Variants in DBX2 observed in about 807,000 individuals in gnomAD.
DBX2 encodes developing brain homeobox 2, also known as homeobox protein DBX2.
DBX2 carries 16 observed loss-of-function variants against 17.7 expected under a neutral mutation model. The observed-to-expected ratio is 0.90, with a 90% CI of 0.61 to 1.37. DBX2 has a LOEUF of 1.37. DBX2 is among the 40% of genes most tolerant of loss of function. DBX2 has a pLI of 0.00. For synonymous variants in DBX2, 255 were observed against 183.8 expected, an observed-to-expected ratio of 1.39 and a Z score of -3.13; for missense variants, 538 against 433.8, an observed-to-expected ratio of 1.24 and a Z score of -2.13.
Position 45,050,949 on chromosome 12 carries a change from CT to C in DBX2, c.-23del. ...GCATAGTGCGGCGCCAACCGGTCTG[CT>C]GCGCGCCCGCCTTGCGCCCGCCTGT... On this transcript the variant is annotated 5_prime_UTR_variant, in exon 1 of 4. Coordinates refer to ENST00000332700, the MANE Select transcript of DBX2 (RefSeq NM_001004329.3). The C allele has an allele frequency of 7.1e-7, 1 of 1,407,468 alleles. No individual in the cohort carries two copies. The highest frequency in any genetic ancestry group is 9.3e-7 in the Non-Finnish European group (1 of 1,080,206). The allele number at this position is 1,407,468 out of a possible 1,614,324, so 87.2% of individuals were successfully genotyped here.
intron 3 of DBX2, among the ~76,000 whole-genome samples, chr12:45,020,048 C>T (rs374757083): frequency 2.0e-5 from 3 of 152,050 alleles, no homozygotes; most frequent in South Asian, 4.1e-4. Flanking sequence ...TTTATTGAGC[C>T]TATAATTCAC....
In DBX2 at chr12:45,050,867, C is replaced by T. The variant is rs202215237; in HGVS notation, c.61G>A (p.Ala21Thr). The change falls in exon 1 of 4, where the codon GCG (alanine) becomes ACG (threonine). Residue 21 changes from alanine (A) to threonine (T), a missense_variant. By Grantham distance (58) the Ala-to-Thr change is moderately conservative. Transcript: ENST00000332700. ...GAYWDVVASS[A>T]LLNLPAAPGF... ...GGCGCAGCGGGGAGGTTGAGGAGCG[C>T]GGAGGAAGCCACAACGTCCCAGTAC... 1.3e-6 allele frequency: 2 copies of T among 1,533,460 alleles called. No individual in the cohort carries two copies. The highest frequency in any genetic ancestry group is 1.7e-6 in the Non-Finnish European group (2 of 1,143,344). The allele number at this position is 1,533,460 out of a possible 1,614,324, so 95.0% of individuals were successfully genotyped here. A position where few individuals can be genotyped will look rare whatever the true frequency, so the allele number is the denominator to read the frequency against.
chr12:45,030,708 A>C (rs1946404734), intron 2 of DBX2, among the ~76,000 whole-genome samples: 1 of 152,322 alleles, frequency 6.6e-6, no homozygotes, highest in Admixed American at 6.5e-5. Flanking sequence ...TTTCCATATT[A>C]AAAACTAATT....
chr12:45,036,410 A>G (rs1289064165), intron 1 of DBX2, among the ~76,000 whole-genome samples: 1 of 152,128 alleles, frequency 6.6e-6, no homozygotes, highest in Non-Finnish European at 1.5e-5. Flanking sequence ...TATTTAAAAT[A>G]CCCTAGAACA....
chr12:45,019,648 G>T (rs897315347), intron 3 of DBX2, among the ~76,000 whole-genome samples: 1 of 151,998 alleles, frequency 6.6e-6, no homozygotes, highest in African/African-American at 2.4e-5. Flanking sequence ...ATAAAAATTT[G>T]TGATAGTGAA....
rs113827425 is a variant in DBX2 at position 45,016,789 on chromosome 12, G to GTATTT, written c.688-176_688-172dup. On this transcript the variant is annotated intron_variant, in intron 3 of 3. Transcript: ENST00000332700. ...TGGGCTCCTTCAAAAATATCCCATT[G>GTATTT]TATTTTATTTTATTATTATTTTTTT... Among the ~76,000 whole-genome samples the GTATTT allele has an allele frequency of 5.2e-3, 786 of 151,868 alleles. 7 individuals carry two copies. Among genetic ancestry groups the GTATTT allele is most frequent in the African/African-American group, 0.017 (694 of 41,362 alleles).
At position 45,025,186 on chromosome 12, in the gene DBX2, G is replaced by A. The variant is rs189423836; in HGVS notation, c.500-1292C>T. 3.0e-3 allele frequency among the ~76,000 whole-genome samples: 454 copies of A among 152,280 alleles called. 4 individuals carry two copies. The highest frequency in any genetic ancestry group is 5.5e-3 in the Admixed American group (84 of 15,306). ...GAAGAGCGTATCTTGTATTACCCAG[G>A]TGGGCCCAAAGTAATCATAAGATTC... On this transcript the variant is annotated intron_variant, in intron 2 of 3. Coordinates refer to ENST00000332700, the MANE Select transcript of DBX2 (RefSeq NM_001004329.3).
chr12:45,027,617 G>T (rs943825882), intron 2 of DBX2, among the ~76,000 whole-genome samples: 2 of 152,164 alleles, frequency 1.3e-5, no homozygotes, highest in Non-Finnish European at 2.9e-5. Context: ...ATTTTTTAAA[G>T]TATGATATTT....
intron 1 of DBX2, among the ~76,000 whole-genome samples, chr12:45,037,942 G>T (rs1395640393): frequency 1.3e-5 from 2 of 151,780 alleles, no homozygotes; most frequent in African/African-American, 2.4e-5. Context: ...CTAAGCAAAG[G>T]CATAAAAAGG....
chr12:45,018,360 G>T (rs1946334109), intron 3 of DBX2, among the ~76,000 whole-genome samples: 1 of 152,090 alleles, frequency 6.6e-6, no homozygotes, highest in African/African-American at 2.4e-5. Context: ...CATAAAAGGA[G>T]TTTCCTCACA....
intron 1 of DBX2, 120 bp downstream of exon 1, chr12:45,050,405 A>C: frequency 7.3e-7 from 1 of 1,361,198 alleles, no homozygotes; most frequent in Non-Finnish European, 9.8e-7. Context: ...GAGATGCTCC[A>C]GGAAGTTCCC....
In DBX2 at chr12:45,050,803, T is replaced by C. The variant is rs1184818865; in HGVS notation, c.125A>G (p.Asn42Ser). 4 of 1,528,676 alleles carry C rather than the reference T, an allele frequency of 2.6e-6. No homozygotes were observed. The highest frequency in any genetic ancestry group is 1.8e-6 in the Non-Finnish European group (2 of 1,139,524). The allele number at this position is 1,528,676 out of a possible 1,614,324, so 94.7% of individuals were successfully genotyped here. A position where few individuals can be genotyped will look rare whatever the true frequency, so the allele number is the denominator to read the frequency against. The change falls in exon 1 of 4, where the codon AAT becomes AGT. Residue 42 changes from asparagine to serine, a missense_variant. Asn to Ser is a conservative substitution (Grantham distance 46). Coordinates refer to ENST00000332700, the MANE Select transcript of DBX2 (RefSeq NM_001004329.3). ...TGGGGCGCCCCCGACCCGCAGCAAA[T>C]TCTCGATCAGGAAACTCTTGCCCAG... Reference protein sequence around the residue: ...GNLGKSFLIENLLRVGGAPTP... With the variant: ...GNLGKSFLIESLLRVGGAPTP...
rs190207907 is a variant in DBX2 at position 45,024,259 on chromosome 12, T to C, written c.500-365A>G. Among the ~76,000 whole-genome samples, 427 of 152,302 alleles carry C rather than the reference T, an allele frequency of 2.8e-3. 2 individuals are homozygous for C. The highest frequency in any genetic ancestry group is 9.9e-3 in the African/African-American group (411 of 41,572). On this transcript the variant is annotated intron_variant, in intron 2 of 3. Coordinates refer to ENST00000332700, the MANE Select transcript of DBX2 (RefSeq NM_001004329.3). ...TCCTGCTGCCATGTGAAGAAGGACA[T>C]GCTTGCTTCCCCTTCTCCCACGATT... is the stretch of plus-strand genomic sequence containing the variant.
chr12:45,038,542 T>C (rs1049828904), intron 1 of DBX2, among the ~76,000 whole-genome samples: 1 of 151,366 alleles, frequency 6.6e-6, no homozygotes, highest in African/African-American at 2.4e-5. Flanking sequence ...TGCATCCTTA[T>C]ATATACATAT....
At chr12:45,026,979 T>C (rs903395560) in intron 2 of DBX2, among the ~76,000 whole-genome samples, 3 of 152,220 alleles carry the variant, frequency 2.0e-5, no homozygotes, top group African/African-American at 7.2e-5. Flanking sequence ...TTCACTATTC[T>C]TTATCAGGGA....
rs1251342261 is a variant in DBX2, at chr12:45,045,704, C to T, written c.403+4821G>A. Among the ~76,000 whole-genome samples, 6 of 152,148 alleles carry T rather than the reference C, an allele frequency of 3.9e-5. No individual in the cohort carries two copies. In the East Asian group the frequency reaches 1.2e-3, roughly 29 times the overall value. On this transcript the variant is annotated intron_variant, in intron 1 of 3. Coordinates refer to ENST00000332700, the MANE Select transcript of DBX2 (RefSeq NM_001004329.3). ...TAAATAAAATCACCCTTGGCAATCC[C>T]TTTGTTTTTTTATTTGTTTGTTTGT...
chr12:45,034,348 C>G (rs1381251035), intron 2 of DBX2, among the ~76,000 whole-genome samples: 1 of 152,162 alleles, frequency 6.6e-6, no homozygotes, highest in Non-Finnish European at 1.5e-5. Context: ...GATACGGTAT[C>G]AGATATTTGG....
chr12:45,050,043 C>A (rs1946520731), intron 1 of DBX2, among the ~76,000 whole-genome samples: 1 of 152,022 alleles, frequency 6.6e-6, no homozygotes, highest in Non-Finnish European at 1.5e-5. Flanking sequence ...CCTGAGCTAC[C>A]CCGACCATCC....
chr12:45,043,779 C>G (rs1011007125), intron 1 of DBX2, among the ~76,000 whole-genome samples: 1 of 152,182 alleles, frequency 6.6e-6, no homozygotes, highest in Non-Finnish European at 1.5e-5. Context: ...ATACACAACG[C>G]CCCTTTTACC....
Sources: gnomAD v4.1 joint callset for allele counts (sites outside exome capture counted in the v4.1 genomes callset) on GRCh38, gnomAD v4.1.1 for gene constraint, MANE v1.5 for transcripts, NCBI Gene and HGNC (gene_info 2026-07-23, HGNC 2026-07-21) for gene names.